DNAH6: variants seen among roughly 807,000 people sequenced by gnomAD.
DNAH6 encodes dynein axonemal heavy chain 6.
DNAH6 carries 340 observed loss-of-function variants against 491.4 expected under a neutral mutation model. The observed-to-expected ratio is 0.69, with a 90% CI of 0.63 to 0.76. DNAH6 has a LOEUF of 0.76. Ranked by LOEUF, DNAH6 falls within the 30% of genes least tolerant of loss-of-function variation. DNAH6 has a pLI of 0.00. For missense variants in DNAH6, 4,443 were observed against 4,972.2 expected (o/e 0.89, Z 3.20); for synonymous variants, 1,603 against 1,686.1 (o/e 0.95, Z 1.21).
chr2:84,607,238 TAA>T, intron 21 of DNAH6, 143 bp downstream of exon 21: 1 of 852,540 alleles, frequency 1.2e-6, no homozygotes, highest in Non-Finnish European at 1.8e-6. Context: ...GTTTAGAATG[TAA>T]GGGAAATGCA....
At position 84,518,009 on chromosome 2, in the gene DNAH6, G is replaced by A. The variant is rs756987908; in HGVS notation, c.183G>A (p.Glu61=). Residue 61 remains glutamate (E), a synonymous_variant, in exon 2 of 77, where the codon GAG becomes GAA. Coordinates refer to ENST00000389394, the MANE Select transcript of DNAH6 (RefSeq NM_001370.2). ...TTAGGCACATTACAAAAGCTCAGGA[G>A]AAGACAAGAAAACGACAGCAGCCTA... ...LTFRHITKAQ[E]KTRKRQQPIK... 9.1e-6 allele frequency: 14 copies of A among 1,541,248 alleles called. No homozygotes were observed. Among genetic ancestry groups the A allele is most frequent in the Non-Finnish European group, 2.6e-6 (3 of 1,141,600 alleles).
At chr2:84,536,659 A>G (rs1479465638) in intron 4 of DNAH6, among the ~76,000 whole-genome samples, 2 of 152,044 alleles carry the variant, frequency 1.3e-5, no homozygotes, top group Non-Finnish European at 1.5e-5. Context: ...AATTTTGACT[A>G]GTCGAAAAGG....
intron 11 of DNAH6, among the ~76,000 whole-genome samples, chr2:84,568,137 A>C (rs186208862): frequency 6.6e-6 from 1 of 152,268 alleles, no homozygotes; most frequent in East Asian, 1.9e-4. Context: ...TGGTGAAATT[A>C]GTTCAACCAT....
intron 33 of DNAH6, among the ~76,000 whole-genome samples, chr2:84,647,835 A>G (rs1255743023): frequency 6.6e-6 from 1 of 152,236 alleles, no homozygotes; most frequent in Middle Eastern, 3.2e-3. Flanking sequence ...TAGTAGTGGT[A>G]TTTCTGCTTA....
At chr2:84,496,900 A>G in the DNAH6 span, among the ~76,000 whole-genome samples, 2 of 151,594 alleles carry the variant, frequency 1.3e-5, no homozygotes, top group African/African-American at 2.4e-5. Context: ...TAACTGATCT[A>G]TTCCCTATCA....
intron 18 of DNAH6, among the ~76,000 whole-genome samples, chr2:84,599,029 CAAAAAA>C (rs35322585): frequency 2.5e-5 from 3 of 118,240 alleles, no homozygotes; most frequent in African/African-American, 9.4e-5. Flanking sequence ...GACTCAGTTT[CAAAAAA>C]AAAAAAAAAA....
intron 49 of DNAH6, 76 bp from the exon 50 acceptor site, chr2:84,703,319 G>A: frequency 9.5e-7 from 1 of 1,051,496 alleles, no homozygotes. Context: ...TCTAATACAT[G>A]AGTAATATGT....
chr2:84,517,023 A>C (rs1675663047), intron 1 of DNAH6, among the ~76,000 whole-genome samples: 1 of 152,188 alleles, frequency 6.6e-6, no homozygotes, highest in Non-Finnish European at 1.5e-5. Flanking sequence ...TTCTTTTTTA[A>C]AAATGCTATT....
At chr2:84,618,483 C>G (rs1300637295) in intron 23 of DNAH6, among the ~76,000 whole-genome samples, 1 of 151,942 alleles carries the variant, frequency 6.6e-6, no homozygotes, top group Non-Finnish European at 1.5e-5. Context: ...TTCCCTGATG[C>G]AGGGATATTG....
In DNAH6 at chr2:84,757,987, CATGAGGGT is replaced by C. The variant is rs536448078; in HGVS notation, c.10513-4764_10513-4757del. On this transcript the variant is annotated intron_variant, in intron 63 of 76. Transcript: ENST00000389394. ...ATATGTATTGGGTGACTAGAGCCCA[CATGAGGGT>C]ATGTTTTATGCACATTTATTTTCTG... 4.6e-5 allele frequency among the ~76,000 whole-genome samples: 7 copies of C among 152,300 alleles called. No homozygotes were observed. In the South Asian group the frequency reaches 1.0e-3, roughly 23 times the overall value.
At chr2:84,717,166 G>A (rs1158675258) in intron 58 of DNAH6, among the ~76,000 whole-genome samples, 1 of 152,016 alleles carries the variant, frequency 6.6e-6, no homozygotes, top group African/African-American at 2.4e-5. Context: ...TCCAGAAACT[G>A]TAACTCACCT....
chr2:84,525,715 C>T lies in DNAH6; in HGVS notation c.376C>T (p.Gln126Ter). 6.5e-7 allele frequency: 1 copy of T among 1,537,660 alleles called. No homozygotes were observed. The highest frequency in any genetic ancestry group is 1.2e-5 in the South Asian group (1 of 81,494). ...ATCATCTACTCAGTTTCTTGAGCAT[C>T]AAGATGCTGTGAAAAAAATGCAGGT... ...ATSSTQFLEHQDAVKKMQIHR... is the reference protein window; with the variant it reads ...ATSSTQFLEH The change falls in exon 3 of 77, where the codon CAA becomes TAA. Residue 126 changes from glutamine (Q) to a stop codon, truncating the protein, a stop_gained. Coordinates refer to ENST00000389394, the MANE Select transcript of DNAH6 (RefSeq NM_001370.2). LOFTEE classifies it high-confidence loss of function.
At chr2:84,617,069 A>G in intron 23 of DNAH6, 87 bp downstream of exon 23, 1 of 703,086 alleles carries the variant, frequency 1.4e-6, no homozygotes, top group Non-Finnish European at 2.3e-6. Flanking sequence ...CAAAGCATGA[A>G]GGAACTAGAG....
the DNAH6 span, among the ~76,000 whole-genome samples, chr2:84,511,311 T>A: frequency 6.6e-6 from 1 of 152,196 alleles, no homozygotes. Context: ...GCCTTGCAGT[T>A]TGATCTCAGA....
chr2:84,676,943 A>C, intron 40 of DNAH6, 62 bp from the exon 41 acceptor site: 1 of 1,525,546 alleles, frequency 6.6e-7, no homozygotes, highest in Non-Finnish European at 8.9e-7. Flanking sequence ...TCCTACCATT[A>C]GGATAGGCAG....
At chr2:84,611,978 T>C (rs1231960330) in intron 22 of DNAH6, 124 bp downstream of exon 22, 3 of 787,658 alleles carry the variant, frequency 3.8e-6, no homozygotes, top group Non-Finnish European at 5.8e-6. Context: ...CCCTTGATTC[T>C]AGTCAGCATG....
At chr2:84,755,044 TA>T (rs1673863984) in intron 63 of DNAH6, among the ~76,000 whole-genome samples, 1 of 152,264 alleles carries the variant, frequency 6.6e-6, no homozygotes, top group African/African-American at 2.4e-5. Flanking sequence ...TTTCTGATAC[TA>T]TTGTAAATTG....
intron 45 of DNAH6, among the ~76,000 whole-genome samples, chr2:84,690,337 A>T (rs960931830): frequency 2.0e-5 from 3 of 152,188 alleles, no homozygotes; most frequent in African/African-American, 7.2e-5. Context: ...CTTAAGTGTT[A>T]TAACATAGGT....
intron 3 of DNAH6, among the ~76,000 whole-genome samples, chr2:84,528,269 C>T (rs1676790837): frequency 6.6e-6 from 1 of 152,156 alleles, no homozygotes; most frequent in Non-Finnish European, 1.5e-5. Flanking sequence ...TCCACCCTAG[C>T]TGTACTGAAT....
Sources: allele counts gnomAD v4.1 joint callset (sites outside exome capture counted in the v4.1 genomes callset), GRCh38; gene constraint gnomAD v4.1.1; transcripts MANE v1.5; gene names NCBI Gene and HGNC (gene_info 2026-07-23, HGNC 2026-07-21).